The following LIG1 variants were observed in gnomAD, a reference collection of about 807,000 sequenced individuals.
LIG1 encodes DNA ligase 1.
A neutral mutation model predicts 115.7 loss-of-function variants in LIG1; 70 were observed. That is an observed-to-expected ratio of 0.60 (90% confidence interval 0.50 to 0.74). The LOEUF (loss-of-function observed/expected upper bound fraction) is 0.74. Ranked by LOEUF, LIG1 falls within the 30% of genes least tolerant of loss-of-function variation. The pLI is 0.00. For missense variants in LIG1, 1,115 were observed against 1,225.6 expected (o/e 0.91, Z 1.35); for synonymous variants, 487 against 495.3 (o/e 0.98, Z 0.22).
At chr19:48,152,307 G>A (rs1344612648) in intron 6 of LIG1, among the ~76,000 whole-genome samples, 2 of 152,092 alleles carry the variant, frequency 1.3e-5, no homozygotes, top group Non-Finnish European at 2.9e-5. Flanking sequence ...AATTTTGGTA[G>A]GGATGGGGTT....
chr19:48,119,674 G>A (rs879471023), intron 24 of LIG1, among the ~76,000 whole-genome samples: 1 of 151,738 alleles, frequency 6.6e-6, no homozygotes, highest in Non-Finnish European at 1.5e-5. Flanking sequence ...AAGTAGCTGG[G>A]ACCACAGGCA....
At chr19:48,151,789 A>T (rs2035492800) in intron 6 of LIG1, among the ~76,000 whole-genome samples, 1 of 138,462 alleles carries the variant, frequency 7.2e-6, no homozygotes. Context: ...CAAGCAAGGC[A>T]GCGACCTTGA....
At chr19:48,135,891 G>GCCGCCC in intron 15 of LIG1, 112 bp from the exon 16 acceptor site, 1 of 928,768 alleles carries the variant, frequency 1.1e-6, no homozygotes. Flanking sequence ...GGCCCAAGAC[G>GCCGCCC]CCCCCTCCCC....
chr19:48,134,713 T>C (rs1406682510), intron 16 of LIG1, among the ~76,000 whole-genome samples: 1 of 152,228 alleles, frequency 6.6e-6, no homozygotes, highest in Non-Finnish European at 1.5e-5. Context: ...TACAAAGATT[T>C]TGATGTAGCT....
At chr19:48,142,722 C>T (rs1353203600) in intron 11 of LIG1, among the ~76,000 whole-genome samples, 6 of 152,130 alleles carry the variant, frequency 3.9e-5, no homozygotes, top group African/African-American at 2.4e-5. Flanking sequence ...CGGCTCACTG[C>T]AATCTCTGCC....
At position 48,170,319 on chromosome 19, in the gene LIG1, G is replaced by C. The variant is rs1175120396; in HGVS notation, c.-136C>G. On this transcript the variant is annotated 5_prime_UTR_variant, in exon 1 of 28. Transcript: ENST00000263274. The stretch of plus-strand genomic sequence containing the variant: ...CGCGCCTCTGCAGTCCCAAGTTCGC[G>C]CCACGGCATTCGCGCGCAGACGTCT... 1 of 446,846 alleles carries C rather than the reference G, an allele frequency of 2.2e-6. No individual in the cohort carries two copies. Among genetic ancestry groups the C allele is most frequent in the Non-Finnish European group, 4.5e-6 (1 of 222,554 alleles). 27.7% of individuals were successfully genotyped at this position (446,846 alleles called of 1,614,324 possible). A position where few individuals can be genotyped will look rare whatever the true frequency, so the allele number is the denominator to read the frequency against.
chr19:48,115,525 A>AC lies in LIG1; in HGVS notation c.*123dup. The AC allele has an allele frequency of 1.4e-6, 1 of 727,000 alleles. No homozygotes were observed. Among genetic ancestry groups the AC allele is most frequent in the Middle Eastern group, 2.8e-4 (1 of 3,536 alleles). The allele number at this position is 727,000 out of a possible 1,614,324, so 45.0% of individuals were successfully genotyped here. ...GAGTAAGCCACCCCCTCACACACACACCCCTCCCCTGACTCTCAAAATCCA... is the reference window on the plus strand; with the variant it reads ...GAGTAAGCCACCCCCTCACACACACACCCCCTCCCCTGACTCTCAAAATCCA... On this transcript the variant is annotated 3_prime_UTR_variant, in exon 28 of 28. Transcript: ENST00000263274.
In LIG1 at chr19:48,143,512, G is replaced by A. The variant is rs780472739; in HGVS notation, c.914+31C>T. The A allele has an allele frequency of 1.9e-5, 20 of 1,055,914 alleles. 1 individual carries two copies. Among genetic ancestry groups the A allele is most frequent in the Admixed American group, 1.4e-4 (7 of 48,926 alleles). 65.4% of individuals were successfully genotyped at this position (1,055,914 alleles called of 1,614,324 possible). A position where few individuals can be genotyped will look rare whatever the true frequency, so the allele number is the denominator to read the frequency against. ...AGAGGACAGACCCAGAAGCGACCCC[G>A]CCCCCCACCCAGGCAGTCCTCATTA... On this transcript the variant is annotated intron_variant, in intron 11 of 27. Coordinates refer to ENST00000263274, the MANE Select transcript of LIG1 (RefSeq NM_000234.3).
intron 11 of LIG1, 80 bp from the exon 12 acceptor site, chr19:48,140,223 G>A: frequency 5.6e-6 from 5 of 894,056 alleles, no homozygotes; most frequent in Non-Finnish European, 8.9e-6. Flanking sequence ...GTTTAAGGGG[G>A]TGGACACTAG....
Position 48,121,252 on chromosome 19 carries a change from C to A in LIG1, c.2303G>T (p.Arg768Leu), listed in dbSNP as rs372444236. ...DLVVIGAYLG[R>L]GKRAGRYGGF... ...CCCGTACCGGCCGGCCCGCTTCCCC[C>A]GGCCCAGGTAGGCGCCGATCACCAC... Residue 768 changes from arginine (R) to leucine (L), a missense_variant, in exon 24 of 28, where the codon CGG becomes CTG. Transcript: ENST00000263274. The A allele has an allele frequency of 5.6e-6, 9 of 1,613,838 alleles. No individual in the cohort carries two copies. In the South Asian group the frequency reaches 8.8e-5, roughly 16 times the overall value.
intron 18 of LIG1, among the ~76,000 whole-genome samples, 200 bp from the exon 19 acceptor site, chr19:48,131,371 T>C (rs556720792): frequency 6.6e-6 from 1 of 152,308 alleles, no homozygotes; most frequent in South Asian, 2.1e-4. Flanking sequence ...ATCATTTTCT[T>C]CTTCATTTCC....
At chr19:48,132,930 T>C in intron 18 of LIG1, 52 bp downstream of exon 18, 1 of 1,352,432 alleles carries the variant, frequency 7.4e-7, no homozygotes, top group Non-Finnish European at 1.1e-6. Context: ...CCCACACCCC[T>C]GCTCTTTGAC....
In LIG1 at chr19:48,137,635, G is replaced by A. The variant is rs1158684350; in HGVS notation, c.1141C>T (p.Leu381=). Residue 381 remains leucine (L), a synonymous_variant, in exon 13 of 28, where the codon CTG becomes TTG. Coordinates refer to ENST00000263274, the MANE Select transcript of LIG1 (RefSeq NM_000234.3). The surrounding 1 kb of genome is among the most constrained non-coding windows in gnomAD (Gnocchi z 4.3). ...AEAAEKGDVG[L]VAENSRSTQR... is the part of the protein sequence containing the mutation. ...GTGCTGCGGCTGTTCTCGGCCACCAGCCCCACGTCGCCTTTCTCGGCTGCC... is the reference window on the plus strand; with the variant it reads ...GTGCTGCGGCTGTTCTCGGCCACCAACCCCACGTCGCCTTTCTCGGCTGCC... 6.2e-7 allele frequency: 1 copy of A among 1,610,334 alleles called. No homozygotes were observed. The highest frequency in any genetic ancestry group is 8.5e-7 in the Non-Finnish European group (1 of 1,179,714).
Position 48,130,915 on chromosome 19 carries a change from T to C in LIG1, c.1821+161A>G, listed in dbSNP as rs2386965. On this transcript the variant is annotated intron_variant, in intron 19 of 27. Coordinates refer to ENST00000263274, the MANE Select transcript of LIG1 (RefSeq NM_000234.3). ...GATGTGAGAAAAAATCATATGGGCT[T>C]ACACCACGCAGGACTGAGTGCTCTG... Among the ~76,000 whole-genome samples, 255 of 152,294 alleles carry C rather than the reference T, an allele frequency of 1.7e-3. No individual in the cohort carries two copies. Among genetic ancestry groups the C allele is most frequent in the African/African-American group, 5.9e-3 (247 of 41,576 alleles).
chr19:48,129,166 C>T (rs756637106), intron 19 of LIG1, among the ~76,000 whole-genome samples: 1 of 152,170 alleles, frequency 6.6e-6, no homozygotes, highest in Admixed American at 6.5e-5. Flanking sequence ...GATTCTCCTG[C>T]CTCAGCCTCC....
chr19:48,153,637 A>AACACACACACAC lies in LIG1; in HGVS notation c.466+223_466+234dup, dbSNP rs36171813. 8.5e-5 allele frequency among the ~76,000 whole-genome samples: 5 copies of AACACACACACAC among 58,784 alleles called. 1 individual carries two copies. The highest frequency in any genetic ancestry group is 2.0e-4 in the African/African-American group (3 of 14,688). 38.6% of individuals were successfully genotyped at this position (58,784 alleles called of 152,430 possible). A position where few individuals can be genotyped will look rare whatever the true frequency, so the allele number is the denominator to read the frequency against. On this transcript the variant is annotated intron_variant, in intron 6 of 27. Transcript: ENST00000263274. ...CAGGCCCCTGCCCTTGCAGATCCAAAACACACACACACACACACACACACA... is the reference window on the plus strand; with the variant it reads ...CAGGCCCCTGCCCTTGCAGATCCAAAACACACACACACACACACACACACACACACACACACA...
chr19:48,124,278 G>A (rs937938536), intron 21 of LIG1, among the ~76,000 whole-genome samples: 1 of 152,156 alleles, frequency 6.6e-6, no homozygotes, highest in Non-Finnish European at 1.5e-5. Flanking sequence ...TGAGAGAGAG[G>A]AGCCACAAGG....
chr19:48,167,150 A>G (rs2036528612), intron 1 of LIG1, among the ~76,000 whole-genome samples: 1 of 150,858 alleles, frequency 6.6e-6, no homozygotes, highest in African/African-American at 2.4e-5. Flanking sequence ...CATTATAAAT[A>G]TTAAAGATAT....
chr19:48,144,069 A>G (rs2034959424), intron 9 of LIG1, 106 bp from the exon 10 acceptor site: 1 of 965,626 alleles, frequency 1.0e-6, no homozygotes, highest in East Asian at 2.4e-5. Context: ...CACGGTGCAG[A>G]GCTGGATGAA....
Sources: gnomAD v4.1 joint callset for allele counts (sites outside exome capture counted in the v4.1 genomes callset) on GRCh38, gnomAD v4.1.1 for gene constraint, Gnocchi (gnomAD v3.1) non-coding constraint, MANE v1.5 for transcripts, NCBI Gene and HGNC (gene_info 2026-07-23, HGNC 2026-07-21) for gene names.